ADAMTS6: variants seen among roughly 807,000 people sequenced by gnomAD.
ADAMTS6 encodes the protein A disintegrin and metalloproteinase with thrombospondin motifs 6.
ADAMTS6 carries 23 observed loss-of-function variants against 144.3 expected under a neutral mutation model. That is an observed-to-expected ratio of 0.16 (90% CI 0.11 to 0.23). The LOEUF is 0.23. Among genes scored for constraint, ADAMTS6 ranks in the 10% least tolerant of loss-of-function variants. The probability of loss-of-function intolerance (pLI) is 1.00; values close to 1 mark genes in which losing one functional copy is unlikely to be tolerated. For missense variants in ADAMTS6, 999 were observed against 1,379.6 expected (o/e 0.72, Z 4.37); for synonymous variants, 444 against 457.5 (o/e 0.97, Z 0.38).
chr5:65,161,143 A>T (rs985693745), intron 24 of ADAMTS6, among the ~76,000 whole-genome samples: 5 of 151,914 alleles, frequency 3.3e-5, no homozygotes, highest in African/African-American at 9.7e-5. Flanking sequence ...AACTCAAGTG[A>T]TCCTCCTACC....
intron 24 of ADAMTS6, among the ~76,000 whole-genome samples, chr5:65,153,346 C>T (rs1367092336): frequency 6.6e-6 from 1 of 152,154 alleles, no homozygotes; most frequent in Non-Finnish European, 1.5e-5. Flanking sequence ...CACCAGGATT[C>T]TCAGTAAATT....
intron 18 of ADAMTS6, among the ~76,000 whole-genome samples, chr5:65,218,954 T>C (rs1341099275): frequency 6.6e-6 from 1 of 152,076 alleles, no homozygotes; most frequent in African/African-American, 2.4e-5. Context: ...TTGTAAATCA[T>C]AAAGCAACCA....
chr5:65,170,766 G>A lies in ADAMTS6; in HGVS notation c.3095C>T (p.Ala1032Val). ...CATCTGCTGTCCAAGGCCACACTGAGCAGAACACTAAATCCAAAGACACAA... is the reference window on the plus strand; with the variant it reads ...CATCTGCTGTCCAAGGCCACACTGAACAGAACACTAAATCCAAAGACACAA... ...WVTGDWGQCSAQCGLGQQMRT... is the reference protein window; with the variant it reads ...WVTGDWGQCSVQCGLGQQMRT... Residue 1032 changes from alanine to valine, a missense_variant, in exon 24 of 25, where the codon GCT (alanine) becomes GTT (valine). Around this residue, in one of 3 missense-constraint regions of ADAMTS6, gnomAD observed 619 missense variants for 837.0 expected, o/e 0.74. Coordinates refer to ENST00000381055, the MANE Select transcript of ADAMTS6 (RefSeq NM_197941.4). The A allele has an allele frequency of 1.9e-6, 3 of 1,611,480 alleles. No individual in the cohort carries two copies. The highest frequency in any genetic ancestry group is 2.5e-6 in the Non-Finnish European group (3 of 1,178,858).
rs748143650 is a variant in ADAMTS6, at chr5:65,381,529, A to ATTTT, written c.1074-47448_1074-47445dup. Among the ~76,000 whole-genome samples, 148 of 103,104 alleles carry ATTTT rather than the reference A, an allele frequency of 1.4e-3. 5 individuals carry two copies. The highest frequency in any genetic ancestry group is 6.0e-3 in the Admixed American group (54 of 8,962). The allele number at this position is 103,104 out of a possible 152,430, so 67.6% of individuals were successfully genotyped here. A position where few individuals can be genotyped will look rare whatever the true frequency, so the allele number is the denominator to read the frequency against. On this transcript the variant is annotated intron_variant, in intron 7 of 24. Transcript: ENST00000381055. ...AGGCATGGATCACCGTGCCTGGCTA[A>ATTTT]TTTTTTTTTTTTTTTTTTTTTTTTT...
intron 7 of ADAMTS6, among the ~76,000 whole-genome samples, chr5:65,365,011 G>A (rs1409170273): frequency 6.6e-6 from 1 of 152,028 alleles, no homozygotes; most frequent in Non-Finnish European, 1.5e-5. Flanking sequence ...TTTAAAAGAG[G>A]TTTTGCTTGC....
intron 2 of ADAMTS6, 70 bp from the exon 3 acceptor site, chr5:65,471,212 G>C: frequency 6.8e-7 from 1 of 1,468,818 alleles, no homozygotes; most frequent in Non-Finnish European, 9.0e-7. Flanking sequence ...ACGGAACAAA[G>C]AAGCAGCAAT....
At chr5:65,465,958 C>T (rs1481987318) in intron 3 of ADAMTS6, among the ~76,000 whole-genome samples, 2 of 152,124 alleles carry the variant, frequency 1.3e-5, no homozygotes, top group African/African-American at 4.8e-5. Context: ...TGATGACTCC[C>T]AAATTTATAA....
intron 4 of ADAMTS6, among the ~76,000 whole-genome samples, chr5:65,455,695 A>G (rs1473313244): frequency 2.6e-5 from 4 of 151,834 alleles, no homozygotes; most frequent in Non-Finnish European, 5.9e-5. Context: ...CCCAGCTACT[A>G]GGAAGGCTGA....
chr5:65,402,400 C>T (rs1223216452), intron 7 of ADAMTS6, among the ~76,000 whole-genome samples: 1 of 152,162 alleles, frequency 6.6e-6, no homozygotes, highest in Admixed American at 6.6e-5. Context: ...CAAGTGACCT[C>T]AAGTAAGACC....
intron 7 of ADAMTS6, among the ~76,000 whole-genome samples, chr5:65,449,820 C>T (rs2150246446): frequency 6.6e-6 from 1 of 152,098 alleles, no homozygotes; most frequent in South Asian, 2.1e-4. Context: ...GGCTAATTGC[C>T]CAGATGTACT....
chr5:65,154,161 T>C (rs999224499), intron 24 of ADAMTS6, among the ~76,000 whole-genome samples: 3 of 152,194 alleles, frequency 2.0e-5, no homozygotes, highest in Admixed American at 6.5e-5. Flanking sequence ...TGAGCTGAGA[T>C]TGTGCTACTT....
chr5:65,388,889 C>CA (rs746414031), intron 7 of ADAMTS6, among the ~76,000 whole-genome samples: 3 of 151,952 alleles, frequency 2.0e-5, no homozygotes, highest in Non-Finnish European at 4.4e-5. Flanking sequence ...AGTGAAGGCT[C>CA]AAAAAAGTCA....
chr5:65,348,957 G>A (rs752017766), intron 7 of ADAMTS6, among the ~76,000 whole-genome samples: 5 of 136,594 alleles, frequency 3.7e-5, no homozygotes, highest in African/African-American at 1.4e-4. Context: ...ATATGAAGAC[G>A]GTTTATACAC....
rs764664895 is a variant in ADAMTS6 at position 65,188,167 on chromosome 5, C to A, written c.2759G>T (p.Arg920Leu). Residue 920 changes from arginine (R) to leucine (L), a missense_variant, in exon 22 of 25, where the codon CGC becomes CTC. Arg to Leu is a moderately radical substitution (Grantham distance 102). This residue lies in a region of ADAMTS6 where 619 missense variants were observed against 837.0 expected (regional missense o/e 0.74). Coordinates refer to ENST00000381055, the MANE Select transcript of ADAMTS6 (RefSeq NM_197941.4). ...ECSKTCDGGM[R>L]TRAVLCIRKI... Reference sequence around the variant, plus strand: ...CCTGATGCAGAGCACTGCCCTTGTGCGCATCCCACCATCACAAGTCTTGCT... The same window carrying A: ...CCTGATGCAGAGCACTGCCCTTGTGAGCATCCCACCATCACAAGTCTTGCT... 3.1e-6 allele frequency: 5 copies of A among 1,613,966 alleles called. No homozygotes were observed. In the African/African-American group the frequency reaches 6.7e-5, roughly 22 times the overall value.
At chr5:65,258,814 T>A (rs568927891) in intron 14 of ADAMTS6, among the ~76,000 whole-genome samples, 3 of 152,294 alleles carry the variant, frequency 2.0e-5, no homozygotes, top group African/African-American at 7.2e-5. Context: ...AGAGAAAATG[T>A]TTTGGGGATA....
At chr5:65,259,368 G>T (rs551186600) in intron 14 of ADAMTS6, among the ~76,000 whole-genome samples, 8 of 143,504 alleles carry the variant, frequency 5.6e-5, no homozygotes, top group African/African-American at 2.1e-4. Flanking sequence ...ACAGAACAAG[G>T]CTCTGTCTCA....
chr5:65,364,735 T>G (rs887243880), intron 7 of ADAMTS6, among the ~76,000 whole-genome samples: 1 of 151,702 alleles, frequency 6.6e-6, no homozygotes, highest in African/African-American at 2.4e-5. Flanking sequence ...CCCAGCTAAT[T>G]TTTGGTAGTT....
At position 65,460,109 on chromosome 5, in the gene ADAMTS6, GAAGA is replaced by G. The variant is rs1759532343; in HGVS notation, c.631+57_631+60del. ...ATTGCTAACCTTACTATACTTGCCA[GAAGA>G]AAGAAAAAGCAGCAATCCAGTACAA... On this transcript the variant is annotated intron_variant, in intron 4 of 24. Transcript: ENST00000381055. 4 of 1,550,522 alleles carry G rather than the reference GAAGA, an allele frequency of 2.6e-6. No individual in the cohort carries two copies. In the South Asian group the frequency reaches 5.0e-5, roughly 19 times the overall value.
At chr5:65,313,719 T>C (rs751516406) in intron 9 of ADAMTS6, among the ~76,000 whole-genome samples, 4 of 152,062 alleles carry the variant, frequency 2.6e-5, no homozygotes, top group Non-Finnish European at 4.4e-5. Flanking sequence ...CTTAATCAAC[T>C]GACAGAGTAA....
Sources: allele counts gnomAD v4.1 joint callset (sites outside exome capture counted in the v4.1 genomes callset), GRCh38; gene constraint gnomAD v4.1.1; regional missense constraint gnomAD v4.1.1; transcripts MANE v1.5; gene names NCBI Gene and HGNC (gene_info 2026-07-23, HGNC 2026-07-21).